CRBN: variants seen among roughly 807,000 people sequenced by gnomAD.
The protein encoded by CRBN is cereblon, also known as protein cereblon.
Under a neutral mutation model 62.2 loss-of-function variants are expected in CRBN, and 53 were observed. The ratio of observed to expected loss-of-function variants is 0.85; its 90% CI spans 0.68 to 1.07. The LOEUF (loss-of-function observed/expected upper bound fraction) is 1.07, where lower values mean the gene tolerates loss of function less well. Ranked by LOEUF, CRBN falls within the 50% of genes least tolerant of loss-of-function variation. The pLI, the probability that CRBN is intolerant of heterozygous loss-of-function variation, is 0.00. For synonymous variants in CRBN, 208 were observed against 176.1 expected, an observed-to-expected ratio of 1.18 and a Z score of -1.43; for missense variants, 616 against 531.1, an observed-to-expected ratio of 1.16 and a Z score of -1.57.
intron 4 of CRBN, among the ~76,000 whole-genome samples, chr3:3,170,606 G>C (rs1369661420): frequency 6.6e-6 from 1 of 152,170 alleles, no homozygotes; most frequent in African/African-American, 2.4e-5. Context: ...ATCAACTCCA[G>C]AATTTCTTTC....
Position 3,175,231 on chromosome 3 carries a change from G to C in CRBN, c.106C>G (p.Gln36Glu). 1.2e-6 allele frequency: 2 copies of C among 1,612,756 alleles called. No homozygotes were observed. Among genetic ancestry groups the C allele is most frequent in the Non-Finnish European group, 1.7e-6 (2 of 1,179,302 alleles). Residue 36 changes from glutamine (Q) to glutamate (E), a missense_variant, in exon 2 of 11, where the codon CAG (glutamine) becomes GAG (glutamate). Physicochemically the swap from Gln to Glu is conservative, Grantham distance 29. Coordinates refer to ENST00000231948, the MANE Select transcript of CRBN (RefSeq NM_016302.4). The stretch of plus-strand genomic sequence containing the variant: ...GGTTTTTTGGCTTCTTTACTATCCT[G>C]GTCTTCAACTTCCATTTCATCTTCT... ...EEEDEMEVEDQDSKEAKKPNI... is the reference protein window; with the variant it reads ...EEEDEMEVEDEDSKEAKKPNI...
intron 4 of CRBN, among the ~76,000 whole-genome samples, chr3:3,169,979 T>C (rs1029722518): frequency 2.6e-5 from 4 of 151,888 alleles, no homozygotes; most frequent in African/African-American, 9.7e-5. Flanking sequence ...CTTTGGGGGT[T>C]GTATACTTTT....
intron 5 of CRBN, among the ~76,000 whole-genome samples, chr3:3,166,001 A>T (rs969637680): frequency 6.6e-6 from 1 of 152,234 alleles, no homozygotes; most frequent in Non-Finnish European, 1.5e-5. Flanking sequence ...ATTTAAAATG[A>T]CTATGGGAGC....
At chr3:3,170,315 T>C (rs1275724265) in intron 4 of CRBN, among the ~76,000 whole-genome samples, 1 of 152,242 alleles carries the variant, frequency 6.6e-6, no homozygotes, top group African/African-American at 2.4e-5. Flanking sequence ...AAGTGTCATT[T>C]AGGTAAAAGA....
Position 3,167,762 on chromosome 3 carries a change from CG to C in CRBN, c.558del (p.Glu187AsnfsTer13). The C allele has an allele frequency of 6.2e-7, 1 of 1,613,442 alleles. No individual in the cohort carries two copies. The highest frequency in any genetic ancestry group is 8.5e-7 in the Non-Finnish European group (1 of 1,179,592). On this transcript the variant is annotated frameshift_variant, in exon 5 of 11. Transcript: ENST00000231948. LOFTEE classifies it high-confidence loss of function. ...GIQQAKVQIL[P>X]ECVLPSTMSA... Reference sequence around the variant, plus strand: ...GACATGGTTGAAGGCAACACACATTCGGGAAGAATTTGCACTTTAGCTTGCT... The same window carrying C: ...GACATGGTTGAAGGCAACACACATTCGGAAGAATTTGCACTTTAGCTTGCT...
chr3:3,150,863 GTTTACAA>G lies in CRBN; in HGVS notation c.1324_*1del. 1 of 1,612,790 alleles carries G rather than the reference GTTTACAA, an allele frequency of 6.2e-7. No individual in the cohort carries two copies. The highest frequency in any genetic ancestry group is 8.5e-7 in the Non-Finnish European group (1 of 1,179,162). On this transcript the variant is annotated stop_lost and 3_prime_UTR_variant, in exon 11 of 11. Coordinates refer to ENST00000231948, the MANE Select transcript of CRBN (RefSeq NM_016302.4). Reference sequence around the variant, plus strand: ...AGATAACTTTATCTCTATCACATCTGTTTACAAGCAAAGTATTACTTTGTCTGGACTT... The same window carrying G: ...AGATAACTTTATCTCTATCACATCTGGCAAAGTATTACTTTGTCTGGACTT...
intron 5 of CRBN, among the ~76,000 whole-genome samples, chr3:3,166,164 CAT>C (rs61404872): frequency 0.24 from 35,801 of 151,964 alleles, 5,374 homozygotes; most frequent in East Asian, 0.73. Context: ...ACAATTCCCA[CAT>C]GTCATGGGAG....
At chr3:3,166,204 G>A (rs911195267) in intron 5 of CRBN, among the ~76,000 whole-genome samples, 1 of 152,144 alleles carries the variant, frequency 6.6e-6, no homozygotes, top group African/African-American at 2.4e-5. Flanking sequence ...ACTGAATTAT[G>A]GGGGCAGGTC....
intron 10 of CRBN, 64 bp downstream of exon 10, chr3:3,152,392 T>TG: frequency 6.5e-7 from 1 of 1,527,530 alleles, no homozygotes; most frequent in East Asian, 2.3e-5. Flanking sequence ...CTTAGGACTC[T>TG]GGATTTTTCT....
intron 5 of CRBN, among the ~76,000 whole-genome samples, chr3:3,164,089 G>A (rs562749633): frequency 7.2e-5 from 11 of 152,174 alleles, no homozygotes; most frequent in South Asian, 2.1e-4. Flanking sequence ...CTCCACTGAC[G>A]AGCCCCTCCA....
In CRBN at chr3:3,172,866, T is replaced by C; in HGVS notation, c.437A>G (p.Glu146Gly). 6.2e-7 allele frequency: 1 copy of C among 1,613,686 alleles called. No homozygotes were observed. The highest frequency in any genetic ancestry group is 8.5e-7 in the Non-Finnish European group (1 of 1,179,580). Reference protein sequence around the residue: ...GTTAEIYAYREEQDFGIEIVK... With the variant: ...GTTAEIYAYRGEQDFGIEIVK... ...TATCTCAATTCCAAAATCCTGTTCT[T>C]CTCGATAGGCATATATCTCTGCTGT... The change falls in exon 4 of 11, where the codon GAA (glutamate) becomes GGA (glycine). Residue 146 changes from glutamate (E) to glycine (G), a missense_variant. By Grantham distance (98) the Glu-to-Gly change is moderately conservative. Transcript: ENST00000231948.
At chr3:3,151,173 A>G in intron 10 of CRBN, 128 bp from the exon 11 acceptor site, 1 of 989,416 alleles carries the variant, frequency 1.0e-6, no homozygotes. Flanking sequence ...TTGAGATTTG[A>G]TCCATACAGT....
At chr3:3,154,377 G>C (rs1231190478) in intron 7 of CRBN, 1 of 441,878 alleles carries the variant, frequency 2.3e-6, no homozygotes, top group East Asian at 5.2e-5. Context: ...CTTATAAACA[G>C]ATAAAGAGAG....
intron 1 of CRBN, 94 bp from the exon 2 acceptor site, chr3:3,175,363 C>A: frequency 1.1e-6 from 1 of 919,084 alleles, no homozygotes; most frequent in Non-Finnish European, 1.8e-6. Flanking sequence ...ACTTCTAAAA[C>A]CACATGCATT....
At chr3:3,175,292 GAA>G (rs200503560) in intron 1 of CRBN, 23 bp from the exon 2 acceptor site, 25 of 1,171,124 alleles carry the variant, frequency 2.1e-5, no homozygotes, top group African/African-American at 6.4e-5. Context: ...AATATTGTAA[GAA>G]AAAAAAAAAG....
intron 8 of CRBN, 187 bp from the exon 9 acceptor site, chr3:3,153,675 A>C (rs1170002991): frequency 3.2e-6 from 2 of 622,932 alleles, no homozygotes; most frequent in Non-Finnish European, 5.8e-6. Context: ...GAGATCTGCC[A>C]CATATTTACA....
At chr3:3,164,832 ATTAT>A (rs1353578867) in intron 5 of CRBN, among the ~76,000 whole-genome samples, 1 of 152,216 alleles carries the variant, frequency 6.6e-6, no homozygotes, top group African/African-American at 2.4e-5. Flanking sequence ...TTCAAATCTT[ATTAT>A]TTAAGAAATA....
At chr3:3,157,287 GAAC>G (rs1306965929) in intron 5 of CRBN, among the ~76,000 whole-genome samples, 1 of 152,126 alleles carries the variant, frequency 6.6e-6, no homozygotes. Flanking sequence ...AGTGATCAAA[GAAC>G]AAGGTATAGC....
intron 5 of CRBN, among the ~76,000 whole-genome samples, chr3:3,161,605 T>G (rs1042976369): frequency 6.6e-6 from 1 of 152,118 alleles, no homozygotes; most frequent in African/African-American, 2.4e-5. Flanking sequence ...GCCAGGCTGG[T>G]CTTGAACTCC....
Sources: gnomAD v4.1 joint callset for allele counts (sites outside exome capture counted in the v4.1 genomes callset) on GRCh38, gnomAD v4.1.1 for gene constraint, MANE v1.5 for transcripts, NCBI Gene and HGNC (gene_info 2026-07-23, HGNC 2026-07-21) for gene names.